NLN: variants seen among roughly 807,000 people sequenced by gnomAD.
NLN encodes neurolysin.
A neutral mutation model predicts 79.9 loss-of-function variants in NLN; 64 were observed. The observed-to-expected ratio is 0.80, with a 90% CI of 0.65 to 0.99. The LOEUF (loss-of-function observed/expected upper bound fraction) is 0.99. NLN is among the 50% of genes least tolerant of loss of function. The pLI is 0.00. For synonymous variants in NLN, 267 were observed against 296.6 expected, an observed-to-expected ratio of 0.90 and a Z score of 1.02; for missense variants, 835 against 858.7, an observed-to-expected ratio of 0.97 and a Z score of 0.34.
At position 65,758,600 on chromosome 5, in the gene NLN, GT is replaced by G; in HGVS notation, c.77del (p.Leu26Ter). The stretch of plus-strand genomic sequence containing the variant: ...GTTCCAGGATTTTACTCAGAATGAC[GT>G]TAGGAAGAGAAGTGATGTCTCCTCT... Reference protein sequence around the residue: ...GGSRILLRMTLGREVMSPLQA... With the variant: ...GGSRILLRMTXGREVMSPLQA... On this transcript the variant is annotated frameshift_variant, in exon 2 of 13. Coordinates refer to ENST00000380985, the MANE Select transcript of NLN (RefSeq NM_020726.5). LOFTEE classifies it high-confidence loss of function. 6.2e-7 allele frequency: 1 copy of G among 1,609,638 alleles called. No homozygotes were observed.
In NLN at chr5:65,732,626, G is replaced by A. The variant is rs1758635259; in HGVS notation, c.41+10212G>A. On this transcript the variant is annotated intron_variant, in intron 1 of 12. Coordinates refer to ENST00000380985, the MANE Select transcript of NLN (RefSeq NM_020726.5). Reference sequence around the variant, plus strand: ...AGTAGGCAGGAGAGTGGTATAAAGTGATAGGTGGTTTGCAGACGCGGGCAC... The same window carrying A: ...AGTAGGCAGGAGAGTGGTATAAAGTAATAGGTGGTTTGCAGACGCGGGCAC... Among the ~76,000 whole-genome samples the A allele has an allele frequency of 1.4e-5, 2 of 142,396 alleles. 1 individual carries two copies. The highest frequency in any genetic ancestry group is 5.2e-5 in the African/African-American group (2 of 38,208). 93.4% of individuals were successfully genotyped at this position (142,396 alleles called of 152,430 possible). A position where few individuals can be genotyped will look rare whatever the true frequency, so the allele number is the denominator to read the frequency against.
intron 12 of NLN, among the ~76,000 whole-genome samples, chr5:65,821,443 T>C (rs1760795476): frequency 6.6e-6 from 1 of 152,168 alleles, no homozygotes. Flanking sequence ...TTTTGAGCAC[T>C]TAGAACAACA....
intron 7 of NLN, among the ~76,000 whole-genome samples, chr5:65,787,323 G>GAT (rs1290754705): frequency 4.0e-5 from 6 of 151,360 alleles, no homozygotes; most frequent in Non-Finnish European, 8.8e-5. Flanking sequence ...CATGCACATG[G>GAT]ATATATATAT....
At chr5:65,777,313 C>T in intron 3 of NLN, 114 bp from the exon 4 acceptor site, 2 of 744,714 alleles carry the variant, frequency 2.7e-6, no homozygotes, top group Non-Finnish European at 2.4e-6. Context: ...TCGTAATCAC[C>T]TATGTGCTTC....
Position 65,781,208 on chromosome 5 carries a change from A to T in NLN, c.662-53A>T, listed in dbSNP as rs1297192032. 4 of 1,247,042 alleles carry T rather than the reference A, an allele frequency of 3.2e-6. No individual in the cohort carries two copies. The African/African-American group carries it at 6.0e-5, about 19-fold the overall frequency. 77.2% of individuals were successfully genotyped at this position (1,247,042 alleles called of 1,614,324 possible). A position where few individuals can be genotyped will look rare whatever the true frequency, so the allele number is the denominator to read the frequency against. ...CCAAAAGGCACCATGCCAATACTAA[A>T]TAAACCAGCAATGAGTGGAAAATTT... On this transcript the variant is annotated intron_variant, in intron 5 of 12. Transcript: ENST00000380985.
chr5:65,814,223 G>A (rs905413212), intron 12 of NLN, among the ~76,000 whole-genome samples: 1 of 152,024 alleles, frequency 6.6e-6, no homozygotes, highest in Non-Finnish European at 1.5e-5. Flanking sequence ...TTCCTCCGTA[G>A]TTACCACTGA....
At chr5:65,788,836 G>A (rs1275987191) in intron 8 of NLN, among the ~76,000 whole-genome samples, 1 of 152,132 alleles carries the variant, frequency 6.6e-6, no homozygotes, top group Admixed American at 6.5e-5. Context: ...GCCAGGTGTA[G>A]TGGTACATGC....
chr5:65,750,755 GA>G (rs1561185753), intron 1 of NLN, among the ~76,000 whole-genome samples: 1 of 150,686 alleles, frequency 6.6e-6, no homozygotes, highest in South Asian at 2.1e-4. Flanking sequence ...GAAAAATAAA[GA>G]AAAAAAGAGA....
chr5:65,815,209 A>G (rs780000453), intron 12 of NLN, among the ~76,000 whole-genome samples: 27 of 152,320 alleles, frequency 1.8e-4, no homozygotes, highest in Middle Eastern at 3.4e-3. Context: ...ATGTGACCAT[A>G]TACCCAGAAC....
At chr5:65,784,988 A>G (rs1319265955) in intron 6 of NLN, among the ~76,000 whole-genome samples, 1 of 152,184 alleles carries the variant, frequency 6.6e-6, no homozygotes, top group African/African-American at 2.4e-5. Flanking sequence ...TCCATGTTGT[A>G]GCATGTGTCA....
At chr5:65,812,022 C>T (rs992200663) in intron 11 of NLN, among the ~76,000 whole-genome samples, 1 of 152,140 alleles carries the variant, frequency 6.6e-6, no homozygotes, top group Admixed American at 6.5e-5. Flanking sequence ...TGAAACTATC[C>T]TTAGGCATTC....
intron 1 of NLN, among the ~76,000 whole-genome samples, chr5:65,746,940 C>T (rs1432552043): frequency 6.6e-6 from 1 of 150,384 alleles, no homozygotes; most frequent in Non-Finnish European, 1.5e-5. Context: ...AGAGGCGGAG[C>T]TTGCAGTGAG....
At position 65,781,287 on chromosome 5, in the gene NLN, A is replaced by G. The variant is rs746796336; in HGVS notation, c.688A>G (p.Ser230Gly). ...LGALPDDFID[S>G]LEKTDDDKYK... ...TGCTCTTCCTGATGATTTCATTGAC[A>G]GTTTAGAAAAGACAGATGATGACAA... Residue 230 changes from serine to glycine, a missense_variant, in exon 6 of 13, where the codon AGT becomes GGT. Physicochemically the swap from Ser to Gly is moderately conservative, Grantham distance 56. Transcript: ENST00000380985. The G allele has an allele frequency of 1.9e-6, 3 of 1,607,468 alleles. No individual in the cohort carries two copies. Among genetic ancestry groups the G allele is most frequent in the Admixed American group, 1.7e-5 (1 of 58,616 alleles).
At chr5:65,789,911 A>T (rs1424568717) in intron 8 of NLN, among the ~76,000 whole-genome samples, 1 of 152,214 alleles carries the variant, frequency 6.6e-6, no homozygotes, top group Non-Finnish European at 1.5e-5. Context: ...TGCTTGAGTG[A>T]CATAACCTCT....
chr5:65,778,718 T>G (rs1186165712), intron 4 of NLN, among the ~76,000 whole-genome samples: 1 of 152,218 alleles, frequency 6.6e-6, no homozygotes, highest in Non-Finnish European at 1.5e-5. Context: ...ATTGGCCAAC[T>G]GATTTTTCTA....
chr5:65,812,483 C>T (rs1760575659), intron 12 of NLN, 92 bp downstream of exon 12: 4 of 834,550 alleles, frequency 4.8e-6, no homozygotes, highest in Non-Finnish European at 7.6e-6. Flanking sequence ...CTAGATTTTA[C>T]TGTAAGAGGC....
intron 3 of NLN, among the ~76,000 whole-genome samples, chr5:65,776,682 C>G (rs1287309658): frequency 6.6e-6 from 1 of 152,212 alleles, no homozygotes; most frequent in East Asian, 1.9e-4. Flanking sequence ...AGAGAAACAT[C>G]TGGTGTCTTT....
chr5:65,734,869 T>G lies in NLN; in HGVS notation c.41+12455T>G, dbSNP rs115018698. ...ACATTATTTTTATTCTCATAGGAATTCTTTTTAAGGTTTCGTAGCTTTCTC... is the reference window on the plus strand; with the variant it reads ...ACATTATTTTTATTCTCATAGGAATGCTTTTTAAGGTTTCGTAGCTTTCTC... On this transcript the variant is annotated intron_variant, in intron 1 of 12. Transcript: ENST00000380985. 6.3e-3 allele frequency among the ~76,000 whole-genome samples: 953 copies of G among 152,356 alleles called. 7 individuals are homozygous for G. Among genetic ancestry groups the G allele is most frequent in the Middle Eastern group, 0.031 (9 of 294 alleles).
intron 9 of NLN, among the ~76,000 whole-genome samples, chr5:65,798,625 T>C (rs1760218177): frequency 6.6e-6 from 1 of 152,228 alleles, no homozygotes. Context: ...CACACTGTTT[T>C]AGTTTGTGAC....
Sources: allele counts gnomAD v4.1 joint callset (sites outside exome capture counted in the v4.1 genomes callset), GRCh38; gene constraint gnomAD v4.1.1; transcripts MANE v1.5; gene names NCBI Gene and HGNC (gene_info 2026-07-23, HGNC 2026-07-21).